NDUFAF6: variants seen among roughly 807,000 people sequenced by gnomAD.
NDUFAF6 encodes the protein NADH:ubiquinone oxidoreductase complex assembly factor 6.
A neutral mutation model predicts 40.8 loss-of-function variants in NDUFAF6; 45 were observed. The ratio of observed to expected loss-of-function variants is 1.10; its 90% CI spans 0.87 to 1.42. The LOEUF (loss-of-function observed/expected upper bound fraction) is 1.42, where lower values mean the gene tolerates loss of function less well. NDUFAF6 is among the 40% of genes most tolerant of loss of function. The pLI is 0.00. For missense variants in NDUFAF6, 435 were observed against 418.5 expected (o/e 1.04, Z -0.34); for synonymous variants, 185 against 155.9 (o/e 1.19, Z -1.39).
intron 1 of NDUFAF6, among the ~76,000 whole-genome samples, chr8:94,971,881 T>A (rs1185559213): frequency 2.6e-5 from 4 of 151,518 alleles, no homozygotes; most frequent in Non-Finnish European, 5.9e-5. Flanking sequence ...GACGTTGCAG[T>A]GAGCCAAGAT....
intron 1 of NDUFAF6, among the ~76,000 whole-genome samples, chr8:94,977,845 G>A (rs1053698294): frequency 3.3e-5 from 5 of 152,148 alleles, no homozygotes; most frequent in African/African-American, 1.2e-4. Context: ...TCTGTTCTGG[G>A]GAGTAGTGGG....
chr8:94,903,139 A>G (rs941950635), intron 1 of NDUFAF6, among the ~76,000 whole-genome samples: 4 of 152,232 alleles, frequency 2.6e-5, no homozygotes, highest in Middle Eastern at 3.4e-3. Context: ...GGAGGTGGAA[A>G]CAGGAGGATC....
chr8:94,957,410 C>T (rs1823175816), upstream of NDUFAF6, among the ~76,000 whole-genome samples: 2 of 152,176 alleles, frequency 1.3e-5, no homozygotes, highest in South Asian at 4.2e-4. Context: ...AAAGCTGGGC[C>T]CAGGGCTCTG....
intron 2 of NDUFAF6, among the ~76,000 whole-genome samples, chr8:94,993,591 T>C (rs923203191): frequency 2.6e-5 from 4 of 152,148 alleles, no homozygotes; most frequent in African/African-American, 9.7e-5. Context: ...GGAGGATAAG[T>C]GGGCATGGAG....
At chr8:95,039,909 G>C (rs1322127281) in intron 3 of NDUFAF6, among the ~76,000 whole-genome samples, 1 of 152,214 alleles carries the variant, frequency 6.6e-6, no homozygotes, top group African/African-American at 2.4e-5. Flanking sequence ...GATTATAGGC[G>C]TGAGTCACTG....
chr8:94,931,089 C>T (rs749966192), intron 1 of NDUFAF6, among the ~76,000 whole-genome samples: 1 of 152,168 alleles, frequency 6.6e-6, no homozygotes, highest in Non-Finnish European at 1.5e-5. Flanking sequence ...AATTCTTTTG[C>T]AAATATATAT....
chr8:94,906,870 G>T (rs1324685283), intron 1 of NDUFAF6, among the ~76,000 whole-genome samples: 1 of 152,208 alleles, frequency 6.6e-6, no homozygotes, highest in African/African-American at 2.4e-5. Flanking sequence ...CTATAGGGTA[G>T]TTGTAATTGC....
chr8:95,006,290 G>A (rs1055026110), intron 2 of NDUFAF6, among the ~76,000 whole-genome samples: 4 of 150,612 alleles, frequency 2.7e-5, no homozygotes, highest in African/African-American at 9.8e-5. Flanking sequence ...GGGAGGTGGA[G>A]GTTGCAGTGA....
At chr8:94,959,491 C>G (rs758511655) in intron 1 of NDUFAF6, among the ~76,000 whole-genome samples, 2 of 151,950 alleles carry the variant, frequency 1.3e-5, no homozygotes, top group African/African-American at 2.4e-5. Context: ...TTTTGAATCC[C>G]TGACTTAGCA....
intron 3 of NDUFAF6, among the ~76,000 whole-genome samples, chr8:95,039,848 C>G (rs1829962512): frequency 6.6e-6 from 1 of 152,060 alleles, no homozygotes; most frequent in Non-Finnish European, 1.5e-5. Flanking sequence ...TCTTGAACTC[C>G]TGAACTCCTG....
chr8:94,996,727 T>C (rs1826446701), intron 2 of NDUFAF6, among the ~76,000 whole-genome samples: 1 of 152,096 alleles, frequency 6.6e-6, no homozygotes, highest in Non-Finnish European at 1.5e-5. Flanking sequence ...GATTTGGAAA[T>C]AGGGTCTTCA....
intron 1 of NDUFAF6, among the ~76,000 whole-genome samples, chr8:94,923,347 A>G (rs1033890558): frequency 1.3e-5 from 2 of 152,222 alleles, no homozygotes; most frequent in African/African-American, 4.8e-5. Flanking sequence ...ACTGTCCAGT[A>G]TGGTAGCTGC....
At position 95,025,221 on chromosome 8, in the gene NDUFAF6, C is replaced by A; in HGVS notation, c.197+16C>A. 1 of 1,400,686 alleles carries A rather than the reference C, an allele frequency of 7.1e-7. No homozygotes were observed. The highest frequency in any genetic ancestry group is 9.2e-7 in the Non-Finnish European group (1 of 1,088,108). 86.8% of individuals were successfully genotyped at this position (1,400,686 alleles called of 1,614,324 possible). A position where few individuals can be genotyped will look rare whatever the true frequency, so the allele number is the denominator to read the frequency against. ...AGCTGCTGCGGTGAGCGAGCACGAC[C>A]TTCCCTGGCGCGGCGGGAAGCGGGG... On this transcript the variant is annotated intron_variant, in intron 1 of 8. Transcript: ENST00000396124.
chr8:95,016,221 T>C (rs1004683343), intron 2 of NDUFAF6, among the ~76,000 whole-genome samples: 1 of 152,232 alleles, frequency 6.6e-6, no homozygotes, highest in African/African-American at 2.4e-5. Context: ...AGGATGATTA[T>C]ATAATTATTT....
At chr8:94,902,171 CACTTTGAG>C (rs1279909572) in intron 1 of NDUFAF6, among the ~76,000 whole-genome samples, 14 of 152,108 alleles carry the variant, frequency 9.2e-5, no homozygotes, top group Admixed American at 1.3e-4. Context: ...GTAATACCAG[CACTTTGAG>C]AGGCCAAGGC....
chr8:94,959,460 A>T (rs750631723), intron 1 of NDUFAF6, among the ~76,000 whole-genome samples: 2 of 152,188 alleles, frequency 1.3e-5, no homozygotes, highest in Non-Finnish European at 2.9e-5. Context: ...CAGAAAGTCC[A>T]GTTCCAAAGG....
chr8:94,955,977 T>A (rs1823034399), upstream of NDUFAF6, among the ~76,000 whole-genome samples: 1 of 152,212 alleles, frequency 6.6e-6, no homozygotes, highest in Non-Finnish European at 1.5e-5. Flanking sequence ...GGAAGCCATA[T>A]AATCCATAAC....
chr8:94,931,089 C>A (rs749966192), intron 1 of NDUFAF6, among the ~76,000 whole-genome samples: 1 of 152,168 alleles, frequency 6.6e-6, no homozygotes, highest in Non-Finnish European at 1.5e-5. Context: ...AATTCTTTTG[C>A]AAATATATAT....
intron 2 of NDUFAF6, among the ~76,000 whole-genome samples, chr8:95,089,880 C>A (rs1809191614): frequency 2.0e-5 from 3 of 152,130 alleles, no homozygotes; most frequent in Non-Finnish European, 4.4e-5. Flanking sequence ...AACAGTGGGG[C>A]CCATGTGTTG....
Sources: gnomAD v4.1 joint callset for allele counts (sites outside exome capture counted in the v4.1 genomes callset) on GRCh38, gnomAD v4.1.1 for gene constraint, MANE v1.5 for transcripts, NCBI Gene and HGNC (gene_info 2026-07-23, HGNC 2026-07-21) for gene names.